The following SLC12A6 variants were observed in gnomAD, a reference collection of about 807,000 sequenced individuals.
SLC12A6 encodes K-Cl cotransporter 3.
Under a neutral mutation model 135.3 loss-of-function variants are expected in SLC12A6, and 66 were observed. The observed-to-expected ratio is 0.49, with a 90% confidence interval of 0.40 to 0.60. SLC12A6 has a LOEUF of 0.60. Ranked by LOEUF, SLC12A6 falls within the 20% of genes least tolerant of loss-of-function variation. The probability of loss-of-function intolerance (pLI) is 0.00; values close to 1 mark genes in which losing one functional copy is unlikely to be tolerated. For missense variants in SLC12A6, 1,058 were observed against 1,452.3 expected (o/e 0.73, Z 4.41); for synonymous variants, 513 against 508.8 (o/e 1.01, Z -0.11).
intron 3 of SLC12A6, among the ~76,000 whole-genome samples, chr15:34,262,663 G>C (rs548452097): frequency 1.3e-5 from 2 of 152,152 alleles, no homozygotes; most frequent in African/African-American, 4.8e-5. Flanking sequence ...ATTAGCACAC[G>C]GTAACACCCC....
chr15:34,333,204 A>G (rs528539930), intron 2 of SLC12A6, among the ~76,000 whole-genome samples: 3 of 152,122 alleles, frequency 2.0e-5, no homozygotes, highest in African/African-American at 7.2e-5. Flanking sequence ...TGGTAAAAGA[A>G]AATTCCACTC....
chr15:34,256,268 T>C lies in SLC12A6; in HGVS notation c.706A>G (p.Ile236Val). The C allele has an allele frequency of 2.5e-6, 4 of 1,606,328 alleles. No individual in the cohort carries two copies. The highest frequency in any genetic ancestry group is 3.4e-6 in the Non-Finnish European group (4 of 1,172,908). ...ICCCCTMLTA[I>V]SMSAIATNGV... ...TTAGTGGCAATGGCACTCATGGAGATAGCAGTCAACATTGTCTGCAGAGAA... is the reference window on the plus strand; with the variant it reads ...TTAGTGGCAATGGCACTCATGGAGACAGCAGTCAACATTGTCTGCAGAGAA... Residue 236 changes from isoleucine (I) to valine (V), a missense_variant, in exon 7 of 26, where the codon ATC (isoleucine) becomes GTC (valine). Transcript: ENST00000354181.
chr15:34,291,076 C>T (rs58198195), intron 2 of SLC12A6, among the ~76,000 whole-genome samples: 5,970 of 152,206 alleles, frequency 0.039, 219 homozygotes, highest in African/African-American at 0.099. Context: ...CTTCATAGCA[C>T]TGATGGTCTT....
chr15:34,270,743 C>T (rs935772399), intron 3 of SLC12A6, among the ~76,000 whole-genome samples: 38 of 150,800 alleles, frequency 2.5e-4, no homozygotes, highest in Non-Finnish European at 2.5e-4. Flanking sequence ...ATGGAGGTTG[C>T]AGTAAGCCGA....
intron 2 of SLC12A6, among the ~76,000 whole-genome samples, chr15:34,290,965 C>G (rs1895479233): frequency 6.6e-6 from 1 of 152,110 alleles, no homozygotes; most frequent in Non-Finnish European, 1.5e-5. Flanking sequence ...TTAATTGGGG[C>G]ACTTACCCTA....
rs1451946947 is a variant in SLC12A6 at position 34,232,085 on chromosome 15, C to T, written c.*1796G>A. On this transcript the variant is annotated 3_prime_UTR_variant, in exon 26 of 26. Transcript: ENST00000354181. ...AGGCAAGAAAAGTTTCTCTAAATAACTATTCTGTAAAAGAAATGAAGATTT... is the reference window on the plus strand; with the variant it reads ...AGGCAAGAAAAGTTTCTCTAAATAATTATTCTGTAAAAGAAATGAAGATTT... 1.3e-5 allele frequency: 2 copies of T among 152,188 alleles called. No individual in the cohort carries two copies. The highest frequency in any genetic ancestry group is 2.9e-5 in the Non-Finnish European group (2 of 68,032). The allele number at this position is 152,188 out of a possible 1,614,324, so 9.4% of individuals were successfully genotyped here.
intron 2 of SLC12A6, among the ~76,000 whole-genome samples, chr15:34,323,969 AGC>A: frequency 6.6e-6 from 1 of 151,702 alleles, no homozygotes; most frequent in East Asian, 1.9e-4. Context: ...GTAAAGATGT[AGC>A]ACAAACATTG....
At chr15:34,246,568 C>T (rs2140699468) in intron 13 of SLC12A6, among the ~76,000 whole-genome samples, 1 of 152,058 alleles carries the variant, frequency 6.6e-6, no homozygotes, top group African/African-American at 2.4e-5. Flanking sequence ...CTAGTGTTGA[C>T]TTTCTATTAT....
intron 2 of SLC12A6, among the ~76,000 whole-genome samples, chr15:34,322,486 T>C (rs1889165154): frequency 6.6e-6 from 1 of 152,238 alleles, no homozygotes; most frequent in Non-Finnish European, 1.5e-5. Context: ...TGAATTCTAA[T>C]TTATAATTCA....
In SLC12A6 at chr15:34,237,461, T is replaced by A; in HGVS notation, c.2892A>T (p.Leu964=). ...IQMKKDLATF[L]YHLRIEAEVE... The stretch of plus-strand genomic sequence containing the variant: ...CCTCCGCCTCAATGCGTAAGTGATA[T>A]AGGAAGGTGGCTAGGTCCTTCTTCA... Residue 964 remains leucine (L), a synonymous_variant, in exon 22 of 26, where the codon CTA becomes CTT. Transcript: ENST00000354181. The A allele has an allele frequency of 6.2e-7, 1 of 1,613,122 alleles. No homozygotes were observed. The highest frequency in any genetic ancestry group is 1.1e-5 in the South Asian group (1 of 91,064).
At chr15:34,240,350 A>G (rs1891559660) in intron 19 of SLC12A6, among the ~76,000 whole-genome samples, 2 of 152,234 alleles carry the variant, frequency 1.3e-5, no homozygotes, top group African/African-American at 4.8e-5. Flanking sequence ...AACCCTCTCC[A>G]TAGTTCAAGG....
intron 3 of SLC12A6, among the ~76,000 whole-genome samples, chr15:34,270,831 CAAAA>C (rs60975779): frequency 1.1e-4 from 13 of 118,910 alleles, no homozygotes; most frequent in African/African-American, 2.9e-4. Context: ...AAACAAAAAA[CAAAA>C]AAAAAAAAAA....
intron 2 of SLC12A6, among the ~76,000 whole-genome samples, chr15:34,278,617 G>A (rs906877213): frequency 2.3e-4 from 35 of 151,954 alleles, no homozygotes; most frequent in African/African-American, 6.8e-4. Context: ...TGTCGCCCAG[G>A]CTGGAGTGCA....
Position 34,252,234 on chromosome 15 carries a change from G to T in SLC12A6, c.1269C>A (p.Tyr423Ter). The T allele has an allele frequency of 6.2e-7, 1 of 1,608,438 alleles. No individual in the cohort carries two copies. The highest frequency in any genetic ancestry group is 8.5e-7 in the Non-Finnish European group (1 of 1,174,846). ...TTGAAGTGACGTTATTGTGAACAAA[G>T]TATTCATCACAGGTGGCATTGAAAA... is the stretch of plus-strand genomic sequence containing the variant. ...SQFFNATCDE[Y>*]FVHNNVTSIQ... is the part of the protein sequence containing the mutation. Residue 423 changes from tyrosine to a stop codon, truncating the protein, a stop_gained, in exon 10 of 26, where the codon TAC becomes TAA. Coordinates refer to ENST00000354181, the MANE Select transcript of SLC12A6 (RefSeq NM_001365088.1). LOFTEE classifies it high-confidence loss of function.
chr15:34,300,392 G>A (rs765606268), intron 2 of SLC12A6, among the ~76,000 whole-genome samples: 57 of 152,062 alleles, frequency 3.7e-4, no homozygotes, highest in Non-Finnish European at 6.5e-4. Flanking sequence ...AAATAGTGTC[G>A]ACAGTACAAC....
chr15:34,262,663 G>A (rs548452097), intron 3 of SLC12A6, among the ~76,000 whole-genome samples: 7 of 152,270 alleles, frequency 4.6e-5, no homozygotes, highest in African/African-American at 9.6e-5. Flanking sequence ...ATTAGCACAC[G>A]GTAACACCCC....
rs1458993692 is a variant in SLC12A6 at position 34,238,995 on chromosome 15, C to T, written c.2602G>A (p.Glu868Lys). The part of the protein sequence containing the change: ...MGWPNGWRQS[E>K]DARAWKTFIG... The stretch of plus-strand genomic sequence containing the variant: ...AAAGTCTTCCAAGCGCGGGCATCTT[C>T]GCTTTGACGCCAGCCATTAGGCCAG... The change falls in exon 20 of 26, where the codon GAA becomes AAA. Residue 868 changes from glutamate to lysine, a missense_variant. Coordinates refer to ENST00000354181, the MANE Select transcript of SLC12A6 (RefSeq NM_001365088.1). 6 of 1,614,172 alleles carry T rather than the reference C, an allele frequency of 3.7e-6. No individual in the cohort carries two copies. The highest frequency in any genetic ancestry group is 1.1e-5 in the South Asian group (1 of 91,088).
At chr15:34,277,333 G>A (rs1894363406) in intron 2 of SLC12A6, among the ~76,000 whole-genome samples, 1 of 152,094 alleles carries the variant, frequency 6.6e-6, no homozygotes, top group Non-Finnish European at 1.5e-5. Context: ...CTACTCAGGA[G>A]GCTAAGGCAA....
At position 34,303,752 on chromosome 15, in the gene SLC12A6, C is replaced by T. The variant is rs573092595; in HGVS notation, c.272-28363G>A. On this transcript the variant is annotated intron_variant, in intron 2 of 25. Coordinates refer to ENST00000354181, the MANE Select transcript of SLC12A6 (RefSeq NM_001365088.1). ...GGGAGTTTGGTCCCCTTCTCTCTCACTCCCTCTTACCCTCTCTGCCCTCTG... is the reference window on the plus strand; with the variant it reads ...GGGAGTTTGGTCCCCTTCTCTCTCATTCCCTCTTACCCTCTCTGCCCTCTG... Among the ~76,000 whole-genome samples, 10 of 152,306 alleles carry T rather than the reference C, an allele frequency of 6.6e-5. No homozygotes were observed. In the South Asian group the frequency reaches 2.1e-3, roughly 32 times the overall value.
Sources: allele counts gnomAD v4.1 joint callset (sites outside exome capture counted in the v4.1 genomes callset), GRCh38; gene constraint gnomAD v4.1.1; transcripts MANE v1.5; gene names NCBI Gene and HGNC (gene_info 2026-07-23, HGNC 2026-07-21).